Variants in ASAP1 observed in about 807,000 individuals in gnomAD.
ASAP1 encodes ArfGAP with SH3 domain, ankyrin repeat and PH domain 1, also known as arf-GAP with SH3 domain, ANK repeat and PH domain-containing protein 1.
In ASAP1, 43 loss-of-function variants were observed where a neutral mutation model predicts 145.2. The ratio of observed to expected loss-of-function variants is 0.30; its 90% CI spans 0.23 to 0.38. ASAP1 has a LOEUF of 0.38. Among genes scored for constraint, ASAP1 ranks in the 10% least tolerant of loss-of-function variants. The probability of loss-of-function intolerance (pLI) is 1.00; values close to 1 mark genes in which losing one functional copy is unlikely to be tolerated. For missense variants in ASAP1, 1,018 were observed against 1,355.3 expected (o/e 0.75, Z 3.91); for synonymous variants, 546 against 515.5 (o/e 1.06, Z -0.80).
At chr8:130,187,474 G>C (rs931588456) in intron 6 of ASAP1, among the ~76,000 whole-genome samples, 189 bp from the exon 7 acceptor site, 7 of 149,510 alleles carry the variant, frequency 4.7e-5, no homozygotes, top group Admixed American at 4.0e-4. Flanking sequence ...GGAGTGCAGT[G>C]CCACAATCAC....
intron 27 of ASAP1, among the ~76,000 whole-genome samples, chr8:130,072,824 T>TGTGTGTGTGTGTGCGCGTGCGCGCGC: frequency 3.1e-5 from 1 of 32,282 alleles, no homozygotes; most frequent in East Asian, 2.4e-3. Flanking sequence ...TGTGTGTGTG[T>TGTGTGTGTGTGTGCGCGTGCGCGCGC]GCGCGCGGGG....
At chr8:130,247,940 A>C (rs749436308) in intron 3 of ASAP1, among the ~76,000 whole-genome samples, 13 of 152,112 alleles carry the variant, frequency 8.5e-5, no homozygotes, top group Non-Finnish European at 1.6e-4. Context: ...GCTTAATATA[A>C]ATAACCAACC....
At chr8:130,220,928 G>A (rs1817254951) in intron 4 of ASAP1, among the ~76,000 whole-genome samples, 1 of 152,110 alleles carries the variant, frequency 6.6e-6, no homozygotes. Flanking sequence ...ACTATGATGA[G>A]AACAGCATGG....
chr8:130,121,750 C>T (rs577806145), intron 18 of ASAP1, among the ~76,000 whole-genome samples: 1 of 128,010 alleles, frequency 7.8e-6, no homozygotes, highest in Non-Finnish European at 1.6e-5. Context: ...CATCACTGCA[C>T]TCCAGCCTAG....
chr8:130,253,895 C>A (rs1309923836), intron 3 of ASAP1, among the ~76,000 whole-genome samples: 2 of 152,074 alleles, frequency 1.3e-5, no homozygotes, highest in East Asian at 3.9e-4. Context: ...GCGGTGGGAG[C>A]CTGTAATCCC....
At position 130,311,725 on chromosome 8, in the gene ASAP1, C is replaced by T. The variant is rs1381369898; in HGVS notation, c.186+46292G>A. Among the ~76,000 whole-genome samples, 5 of 124,214 alleles carry T rather than the reference C, an allele frequency of 4.0e-5. No individual in the cohort carries two copies. In the South Asian group the frequency reaches 8.1e-4, roughly 20 times the overall value. 81.5% of individuals were successfully genotyped at this position (124,214 alleles called of 152,430 possible). On this transcript the variant is annotated intron_variant, in intron 3 of 29. Transcript: ENST00000518721. ...GCAGTGAACCGAGATCGCGCCACTG[C>T]ACTCCAGCCTGGGCAACAAGAGCGA...
intron 3 of ASAP1, among the ~76,000 whole-genome samples, chr8:130,313,267 T>C (rs573064247): frequency 1.3e-5 from 2 of 151,680 alleles, no homozygotes; most frequent in South Asian, 2.1e-4. Context: ...AAATAAAACA[T>C]ATCCTCTGCC....
intron 20 of ASAP1, 129 bp from the exon 21 acceptor site, chr8:130,117,124 T>C (rs2097557563): frequency 1.6e-6 from 1 of 616,872 alleles, no homozygotes; most frequent in Non-Finnish European, 2.8e-6. Context: ...GAGAAAATTA[T>C]GATGTTTCTA....
chr8:130,166,001 T>C (rs1408006824), intron 11 of ASAP1, among the ~76,000 whole-genome samples: 2 of 152,192 alleles, frequency 1.3e-5, no homozygotes, highest in Non-Finnish European at 2.9e-5. Context: ...GTTATTATTA[T>C]TAAATATTGC....
intron 27 of ASAP1, 113 bp downstream of exon 27, chr8:130,076,235 C>A: frequency 1.5e-6 from 1 of 652,848 alleles, no homozygotes; most frequent in Non-Finnish European, 2.6e-6. Flanking sequence ...ATGCCAGGTG[C>A]TGCTCTAGGC....
intron 5 of ASAP1, among the ~76,000 whole-genome samples, chr8:130,200,148 T>C (rs1183450278): frequency 6.6e-6 from 1 of 152,156 alleles, no homozygotes; most frequent in Non-Finnish European, 1.5e-5. Flanking sequence ...ACTGAATTAA[T>C]GGAGTAATGA....
chr8:130,396,769 G>A (rs993454832), intron 2 of ASAP1, among the ~76,000 whole-genome samples: 2 of 152,178 alleles, frequency 1.3e-5, no homozygotes, highest in Non-Finnish European at 2.9e-5. Flanking sequence ...TTCAATTTGG[G>A]CTGACAGCCT....
intron 1 of ASAP1, among the ~76,000 whole-genome samples, chr8:130,410,684 C>T (rs1586995627): frequency 2.0e-5 from 3 of 152,250 alleles, no homozygotes; most frequent in South Asian, 2.1e-4. Context: ...GTATGCTGAG[C>T]GCAGAGCCAT....
chr8:130,206,514 G>A (rs753145502), intron 5 of ASAP1, among the ~76,000 whole-genome samples: 3 of 151,902 alleles, frequency 2.0e-5, no homozygotes, highest in Non-Finnish European at 4.4e-5. Context: ...TTGCAAACAG[G>A]AAATGCTATG....
rs180763842 is a variant in ASAP1, at chr8:130,073,267, G to A, written c.2701+3081C>T. 9.2e-5 allele frequency among the ~76,000 whole-genome samples: 14 copies of A among 152,046 alleles called. No individual in the cohort carries two copies. In the East Asian group the frequency reaches 2.7e-3, roughly 29 times the overall value. On this transcript the variant is annotated intron_variant, in intron 27 of 29. Transcript: ENST00000518721. ...TTGATGGGCGTGGTGGTACATGCCT[G>A]TAATCCCAGCTACTTGGGAGGCCGA...
intron 3 of ASAP1, among the ~76,000 whole-genome samples, chr8:130,285,726 T>C (rs766584472): frequency 3.3e-5 from 5 of 152,242 alleles, no homozygotes; most frequent in Non-Finnish European, 7.3e-5. Flanking sequence ...CCAGTTTTTG[T>C]CTTCTATAGG....
chr8:130,108,193 C>T (rs2097540782), intron 24 of ASAP1, among the ~76,000 whole-genome samples: 1 of 152,172 alleles, frequency 6.6e-6, no homozygotes, highest in South Asian at 2.1e-4. Flanking sequence ...GCCAGAGCCT[C>T]TCTAAGGTAG....
At chr8:130,225,538 C>A (rs1219883366) in intron 4 of ASAP1, among the ~76,000 whole-genome samples, 1 of 151,624 alleles carries the variant, frequency 6.6e-6, no homozygotes, top group African/African-American at 2.4e-5. Context: ...TTTTTTCTTT[C>A]TTCTGTATGA....
At chr8:130,296,689 G>T (rs1461077128) in intron 3 of ASAP1, among the ~76,000 whole-genome samples, 1 of 151,868 alleles carries the variant, frequency 6.6e-6, no homozygotes, top group Non-Finnish European at 1.5e-5. Context: ...AATTTCTTCT[G>T]GCTTTTCCCC....
Sources: gnomAD v4.1 joint callset for allele counts (sites outside exome capture counted in the v4.1 genomes callset) on GRCh38, gnomAD v4.1.1 for gene constraint, MANE v1.5 for transcripts, NCBI Gene and HGNC (gene_info 2026-07-23, HGNC 2026-07-21) for gene names.